The following DPYSL3 variants were observed in gnomAD, a reference collection of about 807,000 sequenced individuals.
DPYSL3 encodes the protein dihydropyrimidinase like 3.
In DPYSL3, 16 loss-of-function variants were observed where a neutral mutation model predicts 66.1. The ratio of observed to expected loss-of-function variants is 0.24; its 90% CI spans 0.16 to 0.37. The LOEUF (loss-of-function observed/expected upper bound fraction) is 0.37, where lower values mean the gene tolerates loss of function less well. DPYSL3 is among the 10% of genes least tolerant of loss of function. The probability of loss-of-function intolerance (pLI) is 1.00; values close to 1 mark genes in which losing one functional copy is unlikely to be tolerated. For synonymous variants in DPYSL3, 338 were observed against 345.1 expected, an observed-to-expected ratio of 0.98 and a Z score of 0.23; for missense variants, 738 against 916.2, an observed-to-expected ratio of 0.81 and a Z score of 2.51.
chr5:147,447,976 C>T (rs1752659308), intron 1 of DPYSL3, among the ~76,000 whole-genome samples: 1 of 152,130 alleles, frequency 6.6e-6, no homozygotes, highest in Non-Finnish European at 1.5e-5. Context: ...AGACTCATTC[C>T]TACTACTGTA....
rs763302616 is a variant in DPYSL3, at chr5:147,394,074, C to T, written c.2016G>A (p.Ala672=). 24 of 1,613,986 alleles carry T rather than the reference C, an allele frequency of 1.5e-5. No individual in the cohort carries two copies. The highest frequency in any genetic ancestry group is 1.1e-4 in the South Asian group (10 of 91,090). The change falls in exon 14 of 14, where the codon GCG becomes GCA. Residue 672 remains alanine, a synonymous_variant. Transcript: ENST00000343218. ...TGATATTAGAACGGCCGCCTGGGGGCGCCACGATGCGCTTGCTGGCTGAGC... is the reference window on the plus strand; with the variant it reads ...TGATATTAGAACGGCCGCCTGGGGGTGCCACGATGCGCTTGCTGGCTGAGC... ...GVRSASKRIV[A]PPGGRSNITS...
intron 2 of DPYSL3, 125 bp from the exon 3 acceptor site, chr5:147,418,756 G>C: frequency 2.5e-6 from 2 of 807,332 alleles, no homozygotes; most frequent in Non-Finnish European, 3.7e-6. Context: ...ATTAAACTTT[G>C]CAAGTGACTC....
At chr5:147,485,795 G>A (rs956210281) in intron 1 of DPYSL3, among the ~76,000 whole-genome samples, 1 of 152,008 alleles carries the variant, frequency 6.6e-6, no homozygotes, top group Non-Finnish European at 1.5e-5. Context: ...CTGTAACTTG[G>A]GCAAAAGATC....
chr5:147,487,247 T>C (rs1753347232), intron 1 of DPYSL3, among the ~76,000 whole-genome samples: 1 of 152,238 alleles, frequency 6.6e-6, no homozygotes, highest in African/African-American at 2.4e-5. Flanking sequence ...GTCTTTGTTT[T>C]TAACAAGCCT....
rs1346618241 is a variant in DPYSL3 at position 147,405,699 on chromosome 5, G to C, written c.1064C>G (p.Thr355Ser). Residue 355 changes from threonine to serine, a missense_variant, in exon 8 of 14, where the codon ACC becomes AGC. Physicochemically the swap from Thr to Ser is moderately conservative, Grantham distance 58. Transcript: ENST00000343218. ...LEAEAVFRAI[T>S]IASQTNCPLY... The stretch of plus-strand genomic sequence containing the variant: ...AGGGCAATTGGTTTGGCTGGCAATG[G>C]TGATGGCACGGAACACAGCCTCAGC... 10 of 1,614,014 alleles carry C rather than the reference G, an allele frequency of 6.2e-6. No individual in the cohort carries two copies. Among genetic ancestry groups the C allele is most frequent in the Non-Finnish European group, 8.5e-6 (10 of 1,179,932 alleles).
intron 1 of DPYSL3, among the ~76,000 whole-genome samples, chr5:147,499,982 C>T (rs750103858): frequency 2.6e-5 from 4 of 151,986 alleles, no homozygotes; most frequent in African/African-American, 9.7e-5. Context: ...CAACTGGACA[C>T]CTATGTGCAA....
chr5:147,448,177 T>C (rs978393025), intron 1 of DPYSL3, among the ~76,000 whole-genome samples: 5 of 151,808 alleles, frequency 3.3e-5, no homozygotes, highest in Non-Finnish European at 7.4e-5. Context: ...AAAAAACGAG[T>C]TATGAAGAAA....
chr5:147,473,397 G>GTT (rs1273908702), intron 1 of DPYSL3: 1 of 152,108 alleles, frequency 6.6e-6, no homozygotes, highest in Non-Finnish European at 1.5e-5. Flanking sequence ...AAAAAACTTT[G>GTT]TTGGTTTTCT....
intron 1 of DPYSL3, among the ~76,000 whole-genome samples, chr5:147,476,051 G>A (rs535050392): frequency 3.3e-5 from 5 of 152,198 alleles, no homozygotes; most frequent in African/African-American, 1.2e-4. Context: ...TTTCACAAAT[G>A]AGAAAACTGA....
intron 1 of DPYSL3, among the ~76,000 whole-genome samples, chr5:147,457,726 CT>C (rs1752874365): frequency 6.6e-6 from 1 of 152,176 alleles, no homozygotes; most frequent in African/African-American, 2.4e-5. Context: ...GGAGAGGAAA[CT>C]TTATGAGGCA....
chr5:147,414,122 CT>C (rs1324178756), intron 4 of DPYSL3, among the ~76,000 whole-genome samples: 4 of 152,144 alleles, frequency 2.6e-5, no homozygotes, highest in Non-Finnish European at 5.9e-5. Context: ...TAACAATACC[CT>C]ACTTCATAAA....
Position 147,394,003 on chromosome 5 carries a change from T to G in DPYSL3, c.*32A>C. 6.2e-7 allele frequency: 1 copy of G among 1,609,720 alleles called. No individual in the cohort carries two copies. The highest frequency in any genetic ancestry group is 1.1e-5 in the South Asian group (1 of 90,902). ...TTTTGGCTTCAAAACAATCTCTTCT[T>G]GCTTCTGCCCCTCTCTTTGAGGAAG... On this transcript the variant is annotated 3_prime_UTR_variant, in exon 14 of 14. Coordinates refer to ENST00000343218, the MANE Select transcript of DPYSL3 (RefSeq NM_001197294.2).
At chr5:147,400,097 TTAA>T (rs1758127501) in intron 10 of DPYSL3, among the ~76,000 whole-genome samples, 1 of 152,226 alleles carries the variant, frequency 6.6e-6, no homozygotes, top group African/African-American at 2.4e-5. Flanking sequence ...AGTAATCAAC[TTAA>T]TAATGAGATA....
Position 147,400,812 on chromosome 5 carries a change from C to T in DPYSL3, c.1332G>A (p.Gly444=). Residue 444 remains glycine, a synonymous_variant, in exon 10 of 14, where the codon GGG becomes GGA. Coordinates refer to ENST00000343218, the MANE Select transcript of DPYSL3 (RefSeq NM_001197294.2). ...CAGTGCTGAAGGTGCAGTGGGCACT[C>T]CCAGATAGCTGCAGATCCCCGCTGG... ...LLASGDLQLS[G]SAHCTFSTAQ... The T allele has an allele frequency of 1.9e-6, 3 of 1,613,988 alleles. No individual in the cohort carries two copies. The highest frequency in any genetic ancestry group is 1.7e-6 in the Non-Finnish European group (2 of 1,179,914).
In DPYSL3 at chr5:147,413,603, T is replaced by A. The variant is rs1561778266; in HGVS notation, c.875A>T (p.Asn292Ile). The A allele has an allele frequency of 1.2e-6, 2 of 1,612,860 alleles. No individual in the cohort carries two copies. The highest frequency in any genetic ancestry group is 1.7e-5 in the Admixed American group (1 of 59,934). ...TAGCAAATGGGTTGTTACCTCTGTG[T>A]TAGATACTTGATACAAATCCTTATA... ...MAYKDLYQVS[N>I]TELYEIFTCL... The change falls in exon 5 of 14, where the codon AAC (asparagine) becomes ATC (isoleucine). Residue 292 changes from asparagine to isoleucine, a missense_variant. Transcript: ENST00000343218.
intron 1 of DPYSL3, among the ~76,000 whole-genome samples, chr5:147,443,518 G>A (rs1752573210): frequency 6.6e-6 from 1 of 151,874 alleles, no homozygotes; most frequent in Admixed American, 6.6e-5. Flanking sequence ...CAGAGGATGG[G>A]TCAATAGGTG....
chr5:147,502,376 TAC>T (rs10561693), intron 1 of DPYSL3, among the ~76,000 whole-genome samples: 54,115 of 149,176 alleles, frequency 0.36, 9,957 homozygotes, highest in African/African-American at 0.37. Flanking sequence ...ATGTCACAGA[TAC>T]ACACACACAC....
intron 6 of DPYSL3, among the ~76,000 whole-genome samples, chr5:147,411,747 G>A (rs76862256): frequency 0.015 from 2,328 of 152,210 alleles, 64 homozygotes; most frequent in African/African-American, 0.053. Flanking sequence ...ACCAAGTTCT[G>A]GTCAACTTCT....
chr5:147,460,825 C>G (rs1752920017), intron 1 of DPYSL3, among the ~76,000 whole-genome samples: 1 of 152,098 alleles, frequency 6.6e-6, no homozygotes, highest in South Asian at 2.1e-4. Flanking sequence ...GAAGGAAAAG[C>G]CAGTTCATCA....
Sources: gnomAD v4.1 joint callset for allele counts (sites outside exome capture counted in the v4.1 genomes callset) on GRCh38, gnomAD v4.1.1 for gene constraint, MANE v1.5 for transcripts, NCBI Gene and HGNC (gene_info 2026-07-23, HGNC 2026-07-21) for gene names.